Variants in FBXL17 observed in about 807,000 individuals in gnomAD.
FBXL17 encodes the protein F-box and leucine rich repeat protein 17, also known as F-box/LRR-repeat protein 17.
A neutral mutation model predicts 66.2 loss-of-function variants in FBXL17; 22 were observed. The observed-to-expected ratio is 0.33, with a 90% confidence interval of 0.24 to 0.47. FBXL17 has a LOEUF of 0.47. Among genes scored for constraint, FBXL17 ranks in the 20% least tolerant of loss-of-function variants. The pLI is 1.00. For missense variants in FBXL17, 878 were observed against 948.2 expected (o/e 0.93, Z 0.97); for synonymous variants, 474 against 400.5 (o/e 1.18, Z -2.19).
chr5:108,062,245 G>A (rs982582604), intron 6 of FBXL17, among the ~76,000 whole-genome samples: 54 of 152,002 alleles, frequency 3.6e-4, no homozygotes, highest in African/African-American at 1.2e-3. Flanking sequence ...AATAAAAAAT[G>A]ACCTTTTCAT....
chr5:108,281,771 T>C (rs1757710673), intron 4 of FBXL17, among the ~76,000 whole-genome samples: 1 of 151,670 alleles, frequency 6.6e-6, no homozygotes, highest in East Asian at 1.9e-4. Flanking sequence ...ACAAACAAAA[T>C]TGATAAATAG....
At chr5:108,069,991 T>C (rs2112860746) in intron 6 of FBXL17, among the ~76,000 whole-genome samples, 1 of 152,336 alleles carries the variant, frequency 6.6e-6, no homozygotes, top group South Asian at 2.1e-4. Flanking sequence ...TGGTTGATTC[T>C]TCCTCTATTG....
At chr5:108,245,014 A>G (rs915868558) in intron 4 of FBXL17, among the ~76,000 whole-genome samples, 6 of 152,206 alleles carry the variant, frequency 3.9e-5, no homozygotes, top group African/African-American at 1.4e-4. Context: ...TCTTAAAGAT[A>G]TAAAATCTTG....
intron 6 of FBXL17, among the ~76,000 whole-genome samples, chr5:108,077,654 T>A (rs1322912921): frequency 1.5e-5 from 2 of 135,400 alleles, no homozygotes; most frequent in African/African-American, 5.4e-5. Flanking sequence ...CAAGGCAAGA[T>A]CCTATCTCAA....
intron 5 of FBXL17, among the ~76,000 whole-genome samples, chr5:108,202,999 C>A (rs185854154): frequency 2.6e-5 from 4 of 152,068 alleles, no homozygotes; most frequent in Admixed American, 2.6e-4. Context: ...AAAGAGTAAA[C>A]AAACATAGTT....
At chr5:108,073,192 A>C (rs1748409362) in intron 6 of FBXL17, among the ~76,000 whole-genome samples, 1 of 152,224 alleles carries the variant, frequency 6.6e-6, no homozygotes, top group African/African-American at 2.4e-5. Flanking sequence ...CTACTGGGAA[A>C]CATCTCTTAA....
intron 7 of FBXL17, among the ~76,000 whole-genome samples, chr5:108,010,600 C>T (rs565164476): frequency 6.6e-6 from 1 of 152,242 alleles, no homozygotes; most frequent in East Asian, 1.9e-4. Flanking sequence ...TAGAAAAATT[C>T]AATCAAAGGA....
At chr5:108,176,939 TA>T (rs1387737964) in intron 6 of FBXL17, among the ~76,000 whole-genome samples, 5 of 152,118 alleles carry the variant, frequency 3.3e-5, no homozygotes, top group Admixed American at 2.6e-4. Context: ...CCCACATACT[TA>T]AAAAAGTAGA....
chr5:107,972,781 C>CT (rs1253266841), intron 7 of FBXL17, among the ~76,000 whole-genome samples: 4 of 152,046 alleles, frequency 2.6e-5, no homozygotes, highest in East Asian at 3.9e-4. Context: ...AGATTTGTCA[C>CT]TTTTTTTTAC....
chr5:107,886,078 A>G (rs1424763520), intron 7 of FBXL17, among the ~76,000 whole-genome samples: 1 of 152,220 alleles, frequency 6.6e-6, no homozygotes, highest in Admixed American at 6.5e-5. Flanking sequence ...AATTTAAGTC[A>G]CTTTGGAAAC....
chr5:108,106,821 T>A (rs1749816951), intron 6 of FBXL17, among the ~76,000 whole-genome samples: 1 of 152,132 alleles, frequency 6.6e-6, no homozygotes, highest in East Asian at 1.9e-4. Flanking sequence ...TGAAATTAGA[T>A]AGTAGCAATA....
At chr5:108,094,883 A>T (rs989089696) in intron 6 of FBXL17, among the ~76,000 whole-genome samples, 3 of 151,952 alleles carry the variant, frequency 2.0e-5, no homozygotes, top group Non-Finnish European at 4.4e-5. Context: ...GCAAAAAAAA[A>T]AAATAAATGA....
At chr5:108,190,779 C>T (rs1386994043) in intron 5 of FBXL17, among the ~76,000 whole-genome samples, 1 of 152,148 alleles carries the variant, frequency 6.6e-6, no homozygotes, top group Non-Finnish European at 1.5e-5. Context: ...TATTTTCTAC[C>T]TAAAAATCAC....
At chr5:108,331,338 G>C (rs1188366409) in intron 4 of FBXL17, among the ~76,000 whole-genome samples, 1 of 152,096 alleles carries the variant, frequency 6.6e-6, no homozygotes, top group Non-Finnish European at 1.5e-5. Context: ...GGAAACTGGA[G>C]AAAACTCCAT....
chr5:108,035,618 C>T (rs1055577819), intron 6 of FBXL17, among the ~76,000 whole-genome samples: 4 of 152,066 alleles, frequency 2.6e-5, no homozygotes, highest in South Asian at 4.2e-4. Context: ...CCACCCGCCT[C>T]GGCCTCCCAA....
chr5:108,280,732 T>A (rs74445859), intron 4 of FBXL17, among the ~76,000 whole-genome samples: 1 of 148,948 alleles, frequency 6.7e-6, no homozygotes. Flanking sequence ...CAGAATGAAT[T>A]AAAAAAAAAA....
intron 1 of FBXL17, among the ~76,000 whole-genome samples, chr5:108,379,940 G>C (rs1749723970): frequency 6.6e-6 from 1 of 152,126 alleles, no homozygotes; most frequent in Non-Finnish European, 1.5e-5. Context: ...ATGTAGAAGG[G>C]CATTACAACA....
intron 4 of FBXL17, among the ~76,000 whole-genome samples, chr5:108,300,199 T>C (rs899764537): frequency 2.0e-5 from 3 of 151,944 alleles, no homozygotes; most frequent in African/African-American, 7.2e-5. Flanking sequence ...TTTTACTCAT[T>C]GATACTAAAG....
At chr5:108,169,009 G>T (rs1752511090) in intron 6 of FBXL17, among the ~76,000 whole-genome samples, 1 of 152,204 alleles carries the variant, frequency 6.6e-6, no homozygotes. Context: ...TTTTTAAACA[G>T]CTACATTTGT....
Sources: allele counts gnomAD v4.1 joint callset (sites outside exome capture counted in the v4.1 genomes callset), GRCh38; gene constraint gnomAD v4.1.1; transcripts MANE v1.5; gene names NCBI Gene and HGNC (gene_info 2026-07-23, HGNC 2026-07-21).